The following BSG variants were observed in gnomAD, a reference collection of about 807,000 sequenced individuals.
The protein encoded by BSG is basigin.
BSG carries 37 observed loss-of-function variants against 43.1 expected under a neutral mutation model. The ratio of observed to expected loss-of-function variants is 0.86; its 90% CI spans 0.66 to 1.13. The LOEUF is 1.13. Ranked by LOEUF, BSG falls within the 50% of genes most tolerant of loss-of-function variation. BSG has a pLI of 0.00. For synonymous variants in BSG, 309 were observed against 238.7 expected, an observed-to-expected ratio of 1.29 and a Z score of -2.72; for missense variants, 599 against 554.2, an observed-to-expected ratio of 1.08 and a Z score of -0.81.
In BSG at chr19:579,546, C is replaced by T. The variant is rs999322753; in HGVS notation, c.462C>T (p.Leu154=). ...TAGAAGACCTTGGCTCCAAGATACT[C>T]CTCACCTGCTCCTTGAATGACAGCG... The part of the protein sequence containing the change: ...TTVEDLGSKI[L]LTCSLNDSAT... The change falls in exon 3 of 9, where the codon CTC becomes CTT. Residue 154 remains leucine (L), a synonymous_variant. Coordinates refer to ENST00000333511, the MANE Select transcript of BSG (RefSeq NM_001728.4). 2.5e-6 allele frequency: 4 copies of T among 1,612,662 alleles called. No individual in the cohort carries two copies. The highest frequency in any genetic ancestry group is 1.7e-5 in the Admixed American group (1 of 60,002).
chr19:579,265 G>A lies in BSG; in HGVS notation c.416-235G>A, dbSNP rs529379861. On this transcript the variant is annotated intron_variant, in intron 2 of 8. Coordinates refer to ENST00000333511, the MANE Select transcript of BSG (RefSeq NM_001728.4). ...AGCTGCCAGCGAAGGGTGCCTTCCC[G>A]AAGGGGGTGCCTTCCCGAAGGGGCC... 3.1e-4 allele frequency: 151 copies of A among 490,894 alleles called. No individual in the cohort carries two copies. In the East Asian group the frequency reaches 5.4e-3, roughly 18 times the overall value. The allele number at this position is 490,894 out of a possible 1,614,324, so 30.4% of individuals were successfully genotyped here. A position where few individuals can be genotyped will look rare whatever the true frequency, so the allele number is the denominator to read the frequency against.
rs551225501 is a variant in BSG at position 581,072 on chromosome 19, A to G, written c.793-243A>G. Reference sequence around the variant, plus strand: ...AGCCCTCTGGACTGCAGCCCTCCAGACTGGGTGAGGGGCCTAGACTGGGGG... The same window carrying G: ...AGCCCTCTGGACTGCAGCCCTCCAGGCTGGGTGAGGGGCCTAGACTGGGGG... On this transcript the variant is annotated intron_variant, in intron 5 of 8. Transcript: ENST00000333511. Among the ~76,000 whole-genome samples the G allele has an allele frequency of 7.0e-4, 49 of 69,888 alleles. 12 individuals carry two copies. The highest frequency in any genetic ancestry group is 4.0e-3 in the African/African-American group (46 of 11,380). 45.8% of individuals were successfully genotyped at this position (69,888 alleles called of 152,430 possible).
At chr19:579,901 G>A (rs753637822) in intron 3 of BSG, 13 of 552,324 alleles carry the variant, frequency 2.4e-5, no homozygotes, top group African/African-American at 7.6e-5. Context: ...ACTAGGTCCC[G>A]GGCACGAAAG....
At chr19:579,094 A>T (rs980944259) in intron 2 of BSG, 10 of 461,468 alleles carry the variant, frequency 2.2e-5, no homozygotes, top group East Asian at 6.8e-5. Flanking sequence ...GGCTGCTACA[A>T]GAGCTCGATG....
At position 579,788 on chromosome 19, in the gene BSG, G is replaced by A. The variant is rs200821286; in HGVS notation, c.572+132G>A. On this transcript the variant is annotated intron_variant, in intron 3 of 8. Coordinates refer to ENST00000333511, the MANE Select transcript of BSG (RefSeq NM_001728.4). ...CAGGCGGAAGTTAGGGACCAGCTCC[G>A]CGCAGACCCCCAGAGGGAAACCCCA... The A allele has an allele frequency of 8.4e-5, 115 of 1,365,706 alleles. No homozygotes were observed. In the East Asian group the frequency reaches 1.4e-3, roughly 17 times the overall value. 84.6% of individuals were successfully genotyped at this position (1,365,706 alleles called of 1,614,324 possible).
chr19:580,786 A>G lies in BSG; in HGVS notation c.792+4A>G. 6.2e-7 allele frequency: 1 copy of G among 1,612,752 alleles called. No individual in the cohort carries two copies. The highest frequency in any genetic ancestry group is 1.1e-5 in the South Asian group (1 of 91,086). ...GATCACTGACTCTGAGGACAAGGTG[A>G]GAAGCCAAGGAGGCTGGGGGTCCTG... On this transcript the variant is annotated splice_donor_region_variant and intron_variant, in intron 5 of 8. Coordinates refer to ENST00000333511, the MANE Select transcript of BSG (RefSeq NM_001728.4).
At chr19:581,727 C>T (rs1001773712) in intron 6 of BSG, 136 bp downstream of exon 6, 1 of 1,248,280 alleles carries the variant, frequency 8.0e-7, no homozygotes, top group Non-Finnish European at 1.1e-6. Flanking sequence ...TGATGGGACC[C>T]CGAAAGAAAG....
chr19:582,976 C>T lies in BSG; in HGVS notation c.*232C>T, dbSNP rs549998110. The T allele has an allele frequency of 1.4e-4, 32 of 220,910 alleles. No homozygotes were observed. Among genetic ancestry groups the T allele is most frequent in the African/African-American group, 5.8e-4 (25 of 43,068 alleles). The allele number at this position is 220,910 out of a possible 1,614,324, so 13.7% of individuals were successfully genotyped here. ...CGAGAGCCCGGGAGCTGCTGCCCTG[C>T]GGCCCCGTCTGTGGCTTTCAGCCTC... On this transcript the variant is annotated 3_prime_UTR_variant, in exon 9 of 9. Transcript: ENST00000333511.
At position 577,965 on chromosome 19, in the gene BSG, C is replaced by G; in HGVS notation, c.259C>G (p.Gln87Glu). 6.2e-7 allele frequency: 1 copy of G among 1,611,988 alleles called. No homozygotes were observed. Among genetic ancestry groups the G allele is most frequent in the Non-Finnish European group, 8.5e-7 (1 of 1,179,520 alleles). ...CGTCCACATCCACGCCACCTACCAC[C>G]AGCACGCGGCCAGCACCATCTCCAT... is the stretch of plus-strand genomic sequence containing the variant. The part of the protein sequence containing the change: ...DRVHIHATYH[Q>E]HAASTISIDT... The change falls in exon 2 of 9, where the codon CAG (glutamine) becomes GAG (glutamate). Residue 87 changes from glutamine to glutamate, a missense_variant. Gln to Glu is a conservative substitution (Grantham distance 29). Coordinates refer to ENST00000333511, the MANE Select transcript of BSG (RefSeq NM_001728.4).
chr19:580,056 C>T (rs1431941768), intron 3 of BSG: 3 of 416,944 alleles, frequency 7.2e-6, no homozygotes, highest in South Asian at 3.1e-5. Flanking sequence ...GGGGCTGGGA[C>T]GGCCCTGGGA....
rs1382311747 is a variant in BSG at position 579,598 on chromosome 19, C to T, written c.514C>T (p.Leu172=). The change falls in exon 3 of 9, where the codon CTG becomes TTG. Residue 172 remains leucine (L), a synonymous_variant. Transcript: ENST00000333511. ...SATEVTGHRW[L]KGGVVLKEDA... ...CACAGAGGTCACAGGGCACCGCTGG[C>T]TGAAGGGGGGCGTGGTGCTGAAGGA... The T allele has an allele frequency of 3.7e-6, 6 of 1,612,480 alleles. No homozygotes were observed. Among genetic ancestry groups the T allele is most frequent in the Non-Finnish European group, 5.1e-6 (6 of 1,179,880 alleles).
rs1458955041 is a variant in BSG at position 581,462 on chromosome 19, A to G, written c.940A>G (p.Ile314Val). The G allele has an allele frequency of 1.5e-5, 24 of 1,611,082 alleles. No individual in the cohort carries two copies. The highest frequency in any genetic ancestry group is 3.3e-5 in the Admixed American group (2 of 59,742). The change falls in exon 6 of 9, where the codon ATC (isoleucine) becomes GTC (valine). Residue 314 changes from isoleucine (I) to valine (V), a missense_variant. Coordinates refer to ENST00000333511, the MANE Select transcript of BSG (RefSeq NM_001728.4). The part of the protein sequence containing the change: ...TSSKGSDQAI[I>V]TLRVRSHLAA... ...CTCCAAGGGCTCCGACCAGGCCATC[A>G]TCACGCTCCGCGTGCGCAGCCACCT...
At chr19:578,424 C>CGGCTCCCTCCCT (rs1453948876) in intron 2 of BSG, among the ~76,000 whole-genome samples, 2 of 152,272 alleles carry the variant, frequency 1.3e-5, no homozygotes, top group African/African-American at 4.8e-5. Context: ...GGCGCCTGCC[C>CGGCTCCCTCCCT]GGCTCCCTCC....
intron 2 of BSG, among the ~76,000 whole-genome samples, chr19:578,398 C>T (rs1981975574): frequency 6.6e-6 from 1 of 152,112 alleles, no homozygotes; most frequent in Non-Finnish European, 1.5e-5. Flanking sequence ...TCCGTTCCGT[C>T]GTTTCTGCTT....
chr19:579,500 C>T lies in BSG; in HGVS notation c.416C>T (p.Pro139Leu), dbSNP rs745847621. ...RAQAVVLVLE[P>L]GTVFTTVEDL... ...GACCGCGTCTCGCCGGGCCTTGCAG[C>T]CGGCACAGTCTTCACTACCGTAGAA... The change falls in exon 3 of 9, where the codon CCC becomes CTC. Residue 139 changes from proline to leucine, a missense_variant and splice_region_variant. Coordinates refer to ENST00000333511, the MANE Select transcript of BSG (RefSeq NM_001728.4). The T allele has an allele frequency of 6.2e-7, 1 of 1,612,570 alleles. No individual in the cohort carries two copies. The highest frequency in any genetic ancestry group is 1.1e-5 in the South Asian group (1 of 91,090).
At chr19:575,758 G>A (rs544074414) in intron 1 of BSG, among the ~76,000 whole-genome samples, 5 of 152,296 alleles carry the variant, frequency 3.3e-5, no homozygotes, top group South Asian at 2.1e-4. Context: ...CATGGGTTAC[G>A]TCTCATGTGG....
chr19:579,819 G>A, intron 3 of BSG, 163 bp downstream of exon 3: 1 of 1,114,232 alleles, frequency 9.0e-7, no homozygotes, highest in Non-Finnish European at 1.2e-6. Context: ...CCCCAGGGAG[G>A]GGTCTGAGGG....
chr19:582,456 T>C (rs1173843877), intron 7 of BSG, 58 bp from the exon 8 acceptor site: 2 of 1,600,816 alleles, frequency 1.2e-6, no homozygotes, highest in Non-Finnish European at 1.7e-6. Flanking sequence ...TGGGCAGGGG[T>C]GACTTGGAGA....
chr19:582,168 T>A, intron 6 of BSG, 138 bp from the exon 7 acceptor site: 1 of 1,111,488 alleles, frequency 9.0e-7, no homozygotes, highest in Non-Finnish European at 1.3e-6. Flanking sequence ...CCGGGGCTGA[T>A]GAGCTGCCCC....
Sources: allele counts gnomAD v4.1 joint callset (sites outside exome capture counted in the v4.1 genomes callset), GRCh38; gene constraint gnomAD v4.1.1; transcripts MANE v1.5; gene names NCBI Gene and HGNC (gene_info 2026-07-23, HGNC 2026-07-21).